Variants in CAPSL observed in about 807,000 individuals in gnomAD.
CAPSL encodes the protein calcyphosin-like protein.
A neutral mutation model predicts 21.3 loss-of-function variants in CAPSL; 17 were observed. The ratio of observed to expected loss-of-function variants is 0.80; its 90% CI spans 0.55 to 1.20. The LOEUF (loss-of-function observed/expected upper bound fraction) is 1.20. CAPSL is among the 50% of genes most tolerant of loss of function. The pLI is 0.00. For synonymous variants in CAPSL, 102 were observed against 89.3 expected, an observed-to-expected ratio of 1.14 and a Z score of -0.80; for missense variants, 289 against 259.3, an observed-to-expected ratio of 1.11 and a Z score of -0.79.
At chr5:35,938,683 C>T (rs181983548), upstream of CAPSL, 29 of 152,990 alleles carry the variant, frequency 1.9e-4, no homozygotes, top group East Asian at 4.9e-3. Flanking sequence ...GGTCCACTCT[C>T]TTAGTATTAA....
intron 2 of CAPSL, among the ~76,000 whole-genome samples, chr5:35,918,734 T>C (rs1356051912): frequency 6.6e-6 from 1 of 152,126 alleles, no homozygotes; most frequent in African/African-American, 2.4e-5. Flanking sequence ...TGACTTGAAG[T>C]GACATTATCA....
intron 1 of CAPSL, among the ~76,000 whole-genome samples, chr5:35,924,208 G>A (rs946203363): frequency 6.6e-6 from 1 of 152,136 alleles, no homozygotes; most frequent in Admixed American, 6.5e-5. Flanking sequence ...TAATCCACAT[G>A]CTGTTAGAAC....
intron 2 of CAPSL, among the ~76,000 whole-genome samples, chr5:35,914,316 C>A (rs1035869761): frequency 6.6e-6 from 1 of 152,168 alleles, no homozygotes. Context: ...AGAAAGTTAA[C>A]AAAGATATCC....
At chr5:35,907,526 T>A (rs920858145) in intron 4 of CAPSL, among the ~76,000 whole-genome samples, 1 of 152,204 alleles carries the variant, frequency 6.6e-6, no homozygotes, top group African/African-American at 2.4e-5. Flanking sequence ...GGAAAGTCTG[T>A]GTCACAGGTT....
intron 1 of CAPSL, among the ~76,000 whole-genome samples, chr5:35,925,649 G>C (rs752069125): frequency 3.3e-5 from 5 of 149,708 alleles, no homozygotes; most frequent in Non-Finnish European, 5.9e-5. Context: ...AGCAACAGGA[G>C]ACCGCAAAGT....
chr5:35,911,145 A>G lies in CAPSL; in HGVS notation c.138-602T>C, dbSNP rs184603261. ...TAAATAAATGATAGAGTAAATAAAG[A>G]TGAAGAAAATGACAAATTTCTCTTG... On this transcript the variant is annotated intron_variant, in intron 2 of 4. Coordinates refer to ENST00000651391, the MANE Select transcript of CAPSL (RefSeq NM_001042625.2). Among the ~76,000 whole-genome samples, 344 of 152,352 alleles carry G rather than the reference A, an allele frequency of 2.3e-3. 1 individual carries two copies. Among genetic ancestry groups the G allele is most frequent in the Admixed American group, 4.5e-3 (69 of 15,302 alleles).
chr5:35,906,496 C>T (rs1214239398), intron 4 of CAPSL, among the ~76,000 whole-genome samples: 1 of 152,162 alleles, frequency 6.6e-6, no homozygotes, highest in Non-Finnish European at 1.5e-5. Context: ...CCTCCTTTGT[C>T]CTGCTGCCTG....
chr5:35,925,246 G>C (rs919288169), intron 1 of CAPSL, among the ~76,000 whole-genome samples: 1 of 152,216 alleles, frequency 6.6e-6, no homozygotes, highest in Non-Finnish European at 1.5e-5. Context: ...GGCTGAGCAG[G>C]GGATGCAATC....
chr5:35,910,916 A>G (rs1580880933), intron 2 of CAPSL, among the ~76,000 whole-genome samples: 1 of 152,366 alleles, frequency 6.6e-6, no homozygotes, highest in South Asian at 2.1e-4. Context: ...ATAGCACTTT[A>G]CAGAGCAAGG....
chr5:35,932,116 T>C (rs1395576555), intron 1 of CAPSL, among the ~76,000 whole-genome samples: 1 of 152,212 alleles, frequency 6.6e-6, no homozygotes, highest in East Asian at 1.9e-4. Flanking sequence ...ATCCTAGTTG[T>C]TCTTAACTGA....
At chr5:35,929,265 G>A (rs1738760056) in intron 1 of CAPSL, among the ~76,000 whole-genome samples, 1 of 147,292 alleles carries the variant, frequency 6.8e-6, no homozygotes, top group Admixed American at 7.1e-5. Flanking sequence ...CAGAGCCAGG[G>A]TTGAAAACAG....
intron 2 of CAPSL, among the ~76,000 whole-genome samples, chr5:35,912,028 C>T (rs1738237964): frequency 6.6e-6 from 1 of 152,146 alleles, no homozygotes; most frequent in Non-Finnish European, 1.5e-5. Context: ...TATGCTTTTC[C>T]AACAGTCTTA....
Position 35,910,563 on chromosome 5 carries a change from A to G in CAPSL, c.138-20T>C. Reference sequence around the variant, plus strand: ...AACACTCTGAAGAAAATACACACAAAAATTCAGAAGAAATGTACAAATAAC... The same window carrying G: ...AACACTCTGAAGAAAATACACACAAGAATTCAGAAGAAATGTACAAATAAC... On this transcript the variant is annotated intron_variant, in intron 2 of 4. Coordinates refer to ENST00000651391, the MANE Select transcript of CAPSL (RefSeq NM_001042625.2). 2 of 1,547,076 alleles carry G rather than the reference A, an allele frequency of 1.3e-6. No homozygotes were observed. Among genetic ancestry groups the G allele is most frequent in the Non-Finnish European group, 1.8e-6 (2 of 1,132,746 alleles).
intron 1 of CAPSL, among the ~76,000 whole-genome samples, chr5:35,931,950 A>G (rs1738836654): frequency 6.6e-6 from 1 of 152,216 alleles, no homozygotes; most frequent in Non-Finnish European, 1.5e-5. Context: ...AAGTAAAGAC[A>G]CAGCTCTGGT....
At chr5:35,913,092 G>A (rs540680539) in intron 2 of CAPSL, among the ~76,000 whole-genome samples, 36 of 152,290 alleles carry the variant, frequency 2.4e-4, no homozygotes, top group African/African-American at 8.7e-4. Flanking sequence ...TCGATCAACT[G>A]GAAGAAAGGG....
chr5:35,925,627 T>C (rs1452973693), intron 1 of CAPSL, among the ~76,000 whole-genome samples: 1 of 151,972 alleles, frequency 6.6e-6, no homozygotes, highest in African/African-American at 2.4e-5. Flanking sequence ...GGGATTTGGA[T>C]TTTCTCCTGA....
chr5:35,934,534 G>T (rs181786071), intron 1 of CAPSL, among the ~76,000 whole-genome samples: 70 of 152,318 alleles, frequency 4.6e-4, no homozygotes, highest in African/African-American at 1.6e-3. Flanking sequence ...TTCCACCACT[G>T]GGAGGCATCA....
chr5:35,923,500 A>G (rs1738591240), intron 1 of CAPSL, among the ~76,000 whole-genome samples: 1 of 152,200 alleles, frequency 6.6e-6, no homozygotes, highest in Admixed American at 6.5e-5. Flanking sequence ...AACAAACCAA[A>G]TGTCCACCTA....
intron 4 of CAPSL, 148 bp from the exon 5 acceptor site, chr5:35,904,794 A>G (rs1267726816): frequency 5.6e-6 from 7 of 1,247,548 alleles, no homozygotes; most frequent in Non-Finnish European, 2.1e-6. Context: ...AAACAAAAGA[A>G]CAAGTGAAGC....
Sources: allele counts gnomAD v4.1 joint callset (sites outside exome capture counted in the v4.1 genomes callset), GRCh38; gene constraint gnomAD v4.1.1; transcripts MANE v1.5; gene names NCBI Gene and HGNC (gene_info 2026-07-23, HGNC 2026-07-21).